BTBD9: variants seen among roughly 807,000 people sequenced by gnomAD.
BTBD9 encodes BTB domain containing 9, also known as BTB/POZ domain-containing protein 9.
Under a neutral mutation model 64.3 loss-of-function variants are expected in BTBD9, and 49 were observed. That is an observed-to-expected ratio of 0.76 (90% CI 0.61 to 0.97). The LOEUF (loss-of-function observed/expected upper bound fraction) is 0.97. Ranked by LOEUF, BTBD9 falls within the 50% of genes least tolerant of loss-of-function variation. The pLI is 0.00. For synonymous variants in BTBD9, 260 were observed against 274.7 expected (o/e 0.95, Z 0.53); for missense variants, 598 against 762.1 (o/e 0.78, Z 2.53).
At chr6:38,182,404 T>C (rs1033228178) in intron 10 of BTBD9, among the ~76,000 whole-genome samples, 12 of 152,210 alleles carry the variant, frequency 7.9e-5, no homozygotes, top group African/African-American at 2.9e-4. Flanking sequence ...AGGTATCTTT[T>C]AGTTATTTTT....
intron 9 of BTBD9, among the ~76,000 whole-genome samples, chr6:38,198,680 G>C (rs1481894666): frequency 6.6e-6 from 1 of 152,202 alleles, no homozygotes; most frequent in Admixed American, 6.5e-5. Context: ...GACAGAGACA[G>C]GAAAGTATTT....
At chr6:38,579,709 A>T (rs1322906385) in intron 5 of BTBD9, among the ~76,000 whole-genome samples, 2 of 152,254 alleles carry the variant, frequency 1.3e-5, no homozygotes, top group African/African-American at 4.8e-5. Context: ...TCAAGTAAAT[A>T]ATGTTAACTC....
intron 6 of BTBD9, among the ~76,000 whole-genome samples, chr6:38,536,097 T>C (rs972953794): frequency 6.6e-6 from 1 of 152,148 alleles, no homozygotes; most frequent in Non-Finnish European, 1.5e-5. Context: ...ACTATCCATC[T>C]GACAAGCAAT....
chr6:38,505,333 C>G (rs1049168989), intron 6 of BTBD9, among the ~76,000 whole-genome samples: 1 of 152,092 alleles, frequency 6.6e-6, no homozygotes, highest in Non-Finnish European at 1.5e-5. Flanking sequence ...AACTTAAAAT[C>G]CCCTATGGAG....
chr6:38,395,079 G>A (rs11967720), intron 6 of BTBD9, among the ~76,000 whole-genome samples: 3,620 of 152,246 alleles, frequency 0.024, 155 homozygotes, highest in African/African-American at 0.082. Flanking sequence ...GGGGGCTTTG[G>A]GGAGGTGATT....
At chr6:38,408,147 A>C (rs1237361315) in intron 6 of BTBD9, among the ~76,000 whole-genome samples, 2 of 152,176 alleles carry the variant, frequency 1.3e-5, no homozygotes, top group Admixed American at 6.5e-5. Flanking sequence ...ACATGAGGCC[A>C]GGAGTTCGAG....
chr6:38,470,442 T>C lies in BTBD9; in HGVS notation c.1154+107158A>G, dbSNP rs545132041. Among the ~76,000 whole-genome samples the C allele has an allele frequency of 2.2e-3, 335 of 152,318 alleles. 2 individuals carry two copies. The highest frequency in any genetic ancestry group is 7.8e-3 in the African/African-American group (326 of 41,570). ...ATGGAAGCATAGGTTGAAGACGGACTGGATTATAACTCAGGGAATTGCACA... is the reference window on the plus strand; with the variant it reads ...ATGGAAGCATAGGTTGAAGACGGACCGGATTATAACTCAGGGAATTGCACA... On this transcript the variant is annotated intron_variant, in intron 6 of 10. Transcript: ENST00000481247.
At chr6:38,573,324 T>C (rs1008822210) in intron 6 of BTBD9, among the ~76,000 whole-genome samples, 4 of 152,170 alleles carry the variant, frequency 2.6e-5, no homozygotes, top group Admixed American at 2.0e-4. Flanking sequence ...TTAAAATATA[T>C]ACATTATAAC....
intron 2 of BTBD9, among the ~76,000 whole-genome samples, chr6:38,595,135 G>A (rs1429543819): frequency 6.6e-6 from 1 of 152,124 alleles, no homozygotes; most frequent in Non-Finnish European, 1.5e-5. Flanking sequence ...CATATGTACT[G>A]CATTAAAAAA....
intron 7 of BTBD9, among the ~76,000 whole-genome samples, chr6:38,329,404 C>A (rs1763586846): frequency 6.6e-6 from 1 of 150,628 alleles, no homozygotes; most frequent in Non-Finnish European, 1.5e-5. Flanking sequence ...CTCACCGCAA[C>A]CTCCGCCTCC....
Position 38,184,978 on chromosome 6 carries a change from G to A in BTBD9, c.1641+7541C>T, listed in dbSNP as rs1052644193. On this transcript the variant is annotated intron_variant, in intron 10 of 10. Coordinates refer to ENST00000481247, the MANE Select transcript of BTBD9 (RefSeq NM_001099272.2). The surrounding 1 kb of genome is among the most constrained non-coding windows in gnomAD (Gnocchi z 4.4). The stretch of plus-strand genomic sequence containing the variant: ...CTTGCAGACTTTCTGTCCTGCTGCT[G>A]TCGGCCCATGCAGATGCTCCTCTGA... 6.6e-6 allele frequency among the ~76,000 whole-genome samples: 1 copy of A among 152,272 alleles called. No homozygotes were observed. Among genetic ancestry groups the A allele is most frequent in the East Asian group, 1.9e-4 (1 of 5,154 alleles).
intron 6 of BTBD9, among the ~76,000 whole-genome samples, chr6:38,370,401 T>C (rs1174102275): frequency 6.6e-6 from 1 of 152,238 alleles, no homozygotes; most frequent in South Asian, 2.1e-4. Context: ...TTAAGGCTTA[T>C]GAATTAAATG....
chr6:38,597,934 A>G lies in BTBD9; in HGVS notation c.161T>C (p.Leu54Ser), dbSNP rs1008849498. Residue 54 changes from leucine (L) to serine (S), a missense_variant, in exon 2 of 11, where the codon TTA becomes TCA. By Grantham distance (145) the Leu-to-Ser change is moderately radical (BLOSUM62 -2). Transcript: ENST00000481247. ...KKRFPAHRVILAARCQYFRAL... is the reference protein window; with the variant it reads ...KKRFPAHRVISAARCQYFRAL... ...CCGAAAATATTGGCACCTGGCTGCT[A>G]AAATTACCCTGTGGGCAGGAAAACG... is the stretch of plus-strand genomic sequence containing the variant. The G allele has an allele frequency of 4.3e-6, 7 of 1,613,752 alleles. No individual in the cohort carries two copies. The highest frequency in any genetic ancestry group is 5.9e-6 in the Non-Finnish European group (7 of 1,179,872).
At chr6:38,378,669 T>G (rs1399581193) in intron 6 of BTBD9, among the ~76,000 whole-genome samples, 1 of 150,154 alleles carries the variant, frequency 6.7e-6, no homozygotes, top group Admixed American at 6.6e-5. Context: ...AGGTCAGGAG[T>G]TCTAGATCGG....
At chr6:38,575,601 A>G (rs17543178) in intron 6 of BTBD9, among the ~76,000 whole-genome samples, 17,049 of 152,250 alleles carry the variant, frequency 0.11, 1,169 homozygotes, top group Non-Finnish European at 0.15. Flanking sequence ...CAGTTAATCT[A>G]CAGAGACATA....
chr6:38,443,677 C>T (rs1432253089), intron 6 of BTBD9, among the ~76,000 whole-genome samples: 1 of 152,186 alleles, frequency 6.6e-6, no homozygotes, highest in Non-Finnish European at 1.5e-5. Context: ...CCACCTCTTA[C>T]CCACATGCAC....
intron 6 of BTBD9, among the ~76,000 whole-genome samples, chr6:38,552,788 G>T (rs1317964000): frequency 1.1e-4 from 16 of 151,890 alleles, no homozygotes; most frequent in Non-Finnish European, 1.5e-5. Context: ...CTGTATGGCT[G>T]CATGGTAAAT....
chr6:38,483,900 T>C (rs1292931362), intron 6 of BTBD9, among the ~76,000 whole-genome samples: 1 of 152,214 alleles, frequency 6.6e-6, no homozygotes, highest in Non-Finnish European at 1.5e-5. Flanking sequence ...GGCTAGCTTA[T>C]TCCCCCATTC....
intron 6 of BTBD9, among the ~76,000 whole-genome samples, chr6:38,479,703 T>C (rs549850127): frequency 1.3e-3 from 204 of 152,290 alleles, no homozygotes; most frequent in Non-Finnish European, 2.4e-3. Context: ...CCTCAAGTTA[T>C]AGGGGGCACT....
Sources: gnomAD v4.1 joint callset for allele counts (sites outside exome capture counted in the v4.1 genomes callset) on GRCh38, gnomAD v4.1.1 for gene constraint, Gnocchi (gnomAD v3.1) non-coding constraint, MANE v1.5 for transcripts, NCBI Gene and HGNC (gene_info 2026-07-23, HGNC 2026-07-21) for gene names.